The following AFG1L variants were observed in gnomAD, a reference collection of about 807,000 sequenced individuals.
AFG1L encodes AFG1 like ATPase.
AFG1L carries 53 observed loss-of-function variants against 62.2 expected under a neutral mutation model. The observed-to-expected ratio is 0.85, with a 90% CI of 0.68 to 1.07. The LOEUF (loss-of-function observed/expected upper bound fraction) is 1.07, where lower values mean the gene tolerates loss of function less well. AFG1L is among the 50% of genes least tolerant of loss of function. The pLI, the probability that AFG1L is intolerant of heterozygous loss-of-function variation, is 0.00. For synonymous variants in AFG1L, 228 were observed against 210.3 expected (o/e 1.08, Z -0.73); for missense variants, 555 against 590.5 (o/e 0.94, Z 0.62).
At chr6:108,425,596 A>G (rs914992506) in intron 7 of AFG1L, among the ~76,000 whole-genome samples, 1 of 152,102 alleles carries the variant, frequency 6.6e-6, no homozygotes, top group African/African-American at 2.4e-5. Context: ...GTTTTTATTG[A>G]GAGCTCTTTC....
chr6:108,507,369 A>G (rs1243598397), intron 10 of AFG1L, among the ~76,000 whole-genome samples: 1 of 152,222 alleles, frequency 6.6e-6, no homozygotes, highest in Non-Finnish European at 1.5e-5. Context: ...TTGTCTTGAA[A>G]GGAGAAAGAT....
chr6:108,415,079 G>T (rs1782299582), intron 7 of AFG1L, among the ~76,000 whole-genome samples: 1 of 152,148 alleles, frequency 6.6e-6, no homozygotes, highest in African/African-American at 2.4e-5. Context: ...AAAGTCTCAG[G>T]ATACAAAATC....
chr6:108,459,555 T>C (rs923327884), intron 8 of AFG1L, among the ~76,000 whole-genome samples: 1 of 152,224 alleles, frequency 6.6e-6, no homozygotes, highest in Non-Finnish European at 1.5e-5. Flanking sequence ...AGACCATTAT[T>C]CTGAAAAATT....
At chr6:108,488,385 T>C (rs1773648125) in intron 10 of AFG1L, among the ~76,000 whole-genome samples, 1 of 152,160 alleles carries the variant, frequency 6.6e-6, no homozygotes, top group African/African-American at 2.4e-5. Flanking sequence ...CAGAATGCTA[T>C]GGATGATCGG....
intron 8 of AFG1L, among the ~76,000 whole-genome samples, chr6:108,466,255 C>T (rs1772660862): frequency 6.6e-6 from 1 of 152,172 alleles, no homozygotes; most frequent in Admixed American, 6.5e-5. Flanking sequence ...ATCTCCTACA[C>T]TGAACATAGG....
intron 11 of AFG1L, among the ~76,000 whole-genome samples, chr6:108,513,016 A>C (rs1774717242): frequency 6.6e-6 from 1 of 152,194 alleles, no homozygotes; most frequent in Non-Finnish European, 1.5e-5. Context: ...GAATGTCAAC[A>C]CATGATTTTT....
At chr6:108,333,235 C>T (rs1778346282) in intron 2 of AFG1L, among the ~76,000 whole-genome samples, 1 of 151,674 alleles carries the variant, frequency 6.6e-6, no homozygotes, top group African/African-American at 2.4e-5. Context: ...CATGGTGAAA[C>T]CCCGTCTGTA....
intron 7 of AFG1L, among the ~76,000 whole-genome samples, chr6:108,415,667 G>A (rs868318328): frequency 1.3e-5 from 2 of 152,120 alleles, no homozygotes; most frequent in African/African-American, 2.4e-5. Context: ...ACAAGAAATG[G>A]GGAAAGGTTT....
intron 10 of AFG1L, among the ~76,000 whole-genome samples, chr6:108,495,498 A>T (rs565677627): frequency 6.6e-6 from 1 of 152,226 alleles, no homozygotes; most frequent in African/African-American, 2.4e-5. Context: ...GAAGTGGATC[A>T]TTGTAGGGCA....
rs370467273 is a variant in AFG1L at position 108,355,709 on chromosome 6, GA to G, written c.477del (p.Lys159AsnfsTer10). 2 of 1,610,092 alleles carry G rather than the reference GA, an allele frequency of 1.2e-6. No individual in the cohort carries two copies. Among genetic ancestry groups the G allele is most frequent in the Middle Eastern group, 1.7e-4 (1 of 6,052 alleles). ...MFYAYVEMKR[K>X]KRVHFHGFML... is the part of the protein sequence containing the mutation. Reference sequence around the variant, plus strand: ...TTTATGCTTATGTGGAAATGAAGAGGAAAAAACGGGTTCATTTTCATGGTTT... The same window carrying G: ...TTTATGCTTATGTGGAAATGAAGAGGAAAAACGGGTTCATTTTCATGGTTT... On this transcript the variant is annotated frameshift_variant, in exon 4 of 13. Coordinates refer to ENST00000368977, the MANE Select transcript of AFG1L (RefSeq NM_145315.5). LOFTEE classifies it high-confidence loss of function.
intron 6 of AFG1L, among the ~76,000 whole-genome samples, chr6:108,389,046 T>A (rs1227679622): frequency 1.3e-5 from 2 of 152,192 alleles, no homozygotes; most frequent in Non-Finnish European, 2.9e-5. Flanking sequence ...ACTTGCTTTA[T>A]GAATCTGGGT....
intron 8 of AFG1L, among the ~76,000 whole-genome samples, chr6:108,469,559 G>A (rs930754940): frequency 6.6e-6 from 1 of 152,132 alleles, no homozygotes; most frequent in Non-Finnish European, 1.5e-5. Context: ...ATGAAAATAC[G>A]TTGTAAGGGT....
At chr6:108,305,504 C>T (rs551700942) in intron 1 of AFG1L, among the ~76,000 whole-genome samples, 4 of 152,296 alleles carry the variant, frequency 2.6e-5, no homozygotes, top group African/African-American at 9.6e-5. Context: ...TCCTGACAGC[C>T]TCTCGAGTAG....
chr6:108,386,657 T>C (rs1780775472), intron 6 of AFG1L, among the ~76,000 whole-genome samples: 1 of 152,186 alleles, frequency 6.6e-6, no homozygotes, highest in South Asian at 2.1e-4. Flanking sequence ...ACTAGTTTTT[T>C]CTCTTAGTTT....
chr6:108,331,479 CT>C (rs1057082782), intron 2 of AFG1L, among the ~76,000 whole-genome samples: 4 of 152,158 alleles, frequency 2.6e-5, no homozygotes, highest in Non-Finnish European at 4.4e-5. Context: ...TACCAGGCTG[CT>C]TTCACCTACC....
At chr6:108,487,592 A>G (rs918401589) in intron 10 of AFG1L, among the ~76,000 whole-genome samples, 5 of 152,212 alleles carry the variant, frequency 3.3e-5, no homozygotes, top group Non-Finnish European at 1.5e-5. Context: ...TCCTTTAAAG[A>G]GCAGTGCTCA....
At position 108,514,778 on chromosome 6, in the gene AFG1L, A is replaced by G. The variant is rs560322244; in HGVS notation, c.1203+4426A>G. The stretch of plus-strand genomic sequence containing the variant: ...ATCTCACATGCAGAGACACACATGG[A>G]CTCAAAATAAAAGGATGGAGGAAGA... On this transcript the variant is annotated intron_variant, in intron 11 of 12. Coordinates refer to ENST00000368977, the MANE Select transcript of AFG1L (RefSeq NM_145315.5). Among the ~76,000 whole-genome samples the G allele has an allele frequency of 2.1e-3, 317 of 152,242 alleles. 1 individual carries two copies. The highest frequency in any genetic ancestry group is 0.014 in the Middle Eastern group (4 of 294).
At chr6:108,427,684 G>T (rs1035906387) in intron 7 of AFG1L, among the ~76,000 whole-genome samples, 1 of 151,848 alleles carries the variant, frequency 6.6e-6, no homozygotes, top group Admixed American at 6.6e-5. Context: ...ACCATACCCG[G>T]TTAATTTTTG....
chr6:108,372,005 T>C (rs999956776), intron 6 of AFG1L, among the ~76,000 whole-genome samples: 21 of 151,986 alleles, frequency 1.4e-4, no homozygotes, highest in African/African-American at 4.8e-4. Context: ...TAGTTCTCCC[T>C]CCTAGTCCTC....
Sources: gnomAD v4.1 joint callset for allele counts (sites outside exome capture counted in the v4.1 genomes callset) on GRCh38, gnomAD v4.1.1 for gene constraint, MANE v1.5 for transcripts, NCBI Gene and HGNC (gene_info 2026-07-23, HGNC 2026-07-21) for gene names.